The following REV3L variants were observed in gnomAD, a reference collection of about 807,000 sequenced individuals.
REV3L encodes the protein REV3 like, DNA directed polymerase zeta catalytic subunit, also known as DNA polymerase zeta catalytic subunit.
A neutral mutation model predicts 299.4 loss-of-function variants in REV3L; 69 were observed. The ratio of observed to expected loss-of-function variants is 0.23; its 90% CI spans 0.19 to 0.28. The LOEUF (loss-of-function observed/expected upper bound fraction) is 0.28, where lower values mean the gene tolerates loss of function less well. Ranked by LOEUF, REV3L falls within the 10% of genes least tolerant of loss-of-function variation. REV3L has a pLI of 1.00. For synonymous variants in REV3L, 1,238 were observed against 1,271.4 expected (o/e 0.97, Z 0.56); for missense variants, 3,128 against 3,693.8 (o/e 0.85, Z 3.97).
At chr6:111,362,505 A>G (rs1778797566) in intron 16 of REV3L, among the ~76,000 whole-genome samples, 1 of 152,224 alleles carries the variant, frequency 6.6e-6, no homozygotes, top group Admixed American at 6.5e-5. Context: ...TCCAATAGAA[A>G]TATAATGAAA....
chr6:111,309,718 G>C, intron 30 of REV3L, 135 bp downstream of exon 30: 2 of 938,190 alleles, frequency 2.1e-6, no homozygotes, highest in Non-Finnish European at 3.0e-6. Flanking sequence ...CCCGCTTTCC[G>C]TATCATTTTA....
intron 3 of REV3L, among the ~76,000 whole-genome samples, chr6:111,407,819 C>G (rs920720030): frequency 6.6e-6 from 1 of 152,064 alleles, no homozygotes; most frequent in African/African-American, 2.4e-5. Flanking sequence ...GCCTGTAATC[C>G]TAACTACTCA....
At chr6:111,441,519 G>T (rs767398535) in intron 1 of REV3L, among the ~76,000 whole-genome samples, 1 of 152,148 alleles carries the variant, frequency 6.6e-6, no homozygotes, top group Non-Finnish European at 1.5e-5. Context: ...CCAAAGTGCT[G>T]AGATTACAGG....
At chr6:111,362,216 G>A (rs1778761873) in intron 16 of REV3L, among the ~76,000 whole-genome samples, 1 of 152,140 alleles carries the variant, frequency 6.6e-6, no homozygotes, top group African/African-American at 2.4e-5. Flanking sequence ...AATGAATGCT[G>A]CTGAATGAGA....
Position 111,482,838 on chromosome 6 carries a change from C to T in REV3L, c.51G>A (p.Leu17=). 2 of 1,508,066 alleles carry T rather than the reference C, an allele frequency of 1.3e-6. No individual in the cohort carries two copies. The highest frequency in any genetic ancestry group is 1.3e-5 in the South Asian group (1 of 76,104). The allele number at this position is 1,508,066 out of a possible 1,614,324, so 93.4% of individuals were successfully genotyped here. Residue 17 remains leucine, a synonymous_variant, in exon 1 of 32, where the codon CTG becomes CTA. Coordinates refer to ENST00000368802, the MANE Select transcript of REV3L (RefSeq NM_001372078.1). ...VTADYYMASP[L]QGLDTCQSPL... ...GGGATTGGCAGGTATCCAGCCCCTGCAGCGGGCTGGCCATGTAGTAGTCTG... is the reference window on the plus strand; with the variant it reads ...GGGATTGGCAGGTATCCAGCCCCTGTAGCGGGCTGGCCATGTAGTAGTCTG...
chr6:111,470,701 G>T (rs1792093523), intron 1 of REV3L, among the ~76,000 whole-genome samples: 1 of 152,124 alleles, frequency 6.6e-6, no homozygotes, highest in African/African-American at 2.4e-5. Flanking sequence ...ACATGCCGGG[G>T]TGTGGTGATG....
At chr6:111,404,295 G>T (rs186630991) in intron 4 of REV3L, among the ~76,000 whole-genome samples, 247 of 152,250 alleles carry the variant, frequency 1.6e-3, no homozygotes, top group African/African-American at 5.5e-3. Context: ...AATATTTTAA[G>T]CCCATTTTTG....
intron 16 of REV3L, among the ~76,000 whole-genome samples, chr6:111,359,985 C>T (rs1778484179): frequency 6.6e-6 from 1 of 152,118 alleles, no homozygotes; most frequent in Non-Finnish European, 1.5e-5. Context: ...GGCAATCCTA[C>T]TCCTGAAAAT....
At chr6:111,381,179 C>A in intron 10 of REV3L, 146 bp downstream of exon 10, 1 of 752,972 alleles carries the variant, frequency 1.3e-6, no homozygotes, top group Non-Finnish European at 2.0e-6. Context: ...TGATTTAATG[C>A]AAGGTTTCAT....
At position 111,299,976 on chromosome 6, in the gene REV3L, C is replaced by T. The variant is rs377518998; in HGVS notation, c.*40G>A. The T allele has an allele frequency of 6.3e-6, 10 of 1,585,116 alleles. No individual in the cohort carries two copies. Among genetic ancestry groups the T allele is most frequent in the African/African-American group, 4.1e-5 (3 of 73,656 alleles). On this transcript the variant is annotated 3_prime_UTR_variant, in exon 32 of 32. Transcript: ENST00000368802. ...ATGCACAACAGTTTAGTGGTAAGCACTGAAAAAAATAGCACCTGTAATACT... is the reference window on the plus strand; with the variant it reads ...ATGCACAACAGTTTAGTGGTAAGCATTGAAAAAAATAGCACCTGTAATACT...
chr6:111,443,349 T>C (rs1788493874), intron 1 of REV3L, among the ~76,000 whole-genome samples: 1 of 152,108 alleles, frequency 6.6e-6, no homozygotes, highest in Non-Finnish European at 1.5e-5. Flanking sequence ...GGTTTCACCA[T>C]ATTGGCCAGG....
At chr6:111,380,255 TTTTC>T in intron 10 of REV3L, 36 bp from the exon 11 acceptor site, 1 of 1,471,986 alleles carries the variant, frequency 6.8e-7, no homozygotes, top group Non-Finnish European at 9.4e-7. Context: ...AACAAATAAG[TTTTC>T]TTTTTTTTTT....
At chr6:111,413,366 A>T (rs1378155328) in intron 2 of REV3L, among the ~76,000 whole-genome samples, 3 of 152,118 alleles carry the variant, frequency 2.0e-5, no homozygotes, top group Admixed American at 6.5e-5. Context: ...TTAGTTTTTT[A>T]AGTATATCAA....
Position 111,299,813 on chromosome 6 carries a change from T to A in REV3L, c.*203A>T. 1 of 410,834 alleles carries A rather than the reference T, an allele frequency of 2.4e-6. No individual in the cohort carries two copies. Among genetic ancestry groups the A allele is most frequent in the Non-Finnish European group, 4.3e-6 (1 of 235,158 alleles). The allele number at this position is 410,834 out of a possible 1,614,324, so 25.4% of individuals were successfully genotyped here. On this transcript the variant is annotated 3_prime_UTR_variant, in exon 32 of 32. Transcript: ENST00000368802. ...AAACAATGTTTAAAAGGTGACAGAA[T>A]GAGGAATTTGTACATTGTAAGAAGT...
At chr6:111,370,276 AT>A (rs767440187) in intron 13 of REV3L, among the ~76,000 whole-genome samples, 25 of 152,246 alleles carry the variant, frequency 1.6e-4, no homozygotes, top group Non-Finnish European at 2.8e-4. Flanking sequence ...ATATACCATA[AT>A]CACTACTAAT....
chr6:111,428,909 T>G (rs570175496), intron 1 of REV3L, among the ~76,000 whole-genome samples: 4 of 152,054 alleles, frequency 2.6e-5, no homozygotes, highest in African/African-American at 9.7e-5. Context: ...CCAAATAGAT[T>G]TGATGCAAAT....
intron 1 of REV3L, chr6:111,471,872 G>T: frequency 3.7e-6 from 1 of 269,264 alleles, no homozygotes; most frequent in Non-Finnish European, 6.5e-6. Flanking sequence ...CTTTGGGAAT[G>T]GGCAAAGGAG....
chr6:111,398,496 C>G (rs1782760531), intron 4 of REV3L, among the ~76,000 whole-genome samples: 1 of 152,062 alleles, frequency 6.6e-6, no homozygotes, highest in Admixed American at 6.6e-5. Flanking sequence ...CAGTAATTAG[C>G]ATCATTTCCA....
Position 111,372,609 on chromosome 6 carries a change from G to C in REV3L, c.5746C>G (p.Pro1916Ala). The C allele has an allele frequency of 4.7e-6, 7 of 1,480,532 alleles. No homozygotes were observed. The highest frequency in any genetic ancestry group is 6.3e-6 in the Non-Finnish European group (7 of 1,116,092). 91.7% of individuals were successfully genotyped at this position (1,480,532 alleles called of 1,614,324 possible). A position where few individuals can be genotyped will look rare whatever the true frequency, so the allele number is the denominator to read the frequency against. Residue 1916 changes from proline (P) to alanine (A), a missense_variant, in exon 13 of 32, where the codon CCA (proline) becomes GCA (alanine). By Grantham distance (27) the Pro-to-Ala change is conservative. Transcript: ENST00000368802. ...EPFCSNPSDVPEKPREIGGRL... is the reference protein window; with the variant it reads ...EPFCSNPSDVAEKPREIGGRL... ...ATAACTGATTACCTGGGCTTTTCTG[G>C]TACATCAGAAGGATTACTGCAAAAT...
Sources: gnomAD v4.1 joint callset for allele counts (sites outside exome capture counted in the v4.1 genomes callset) on GRCh38, gnomAD v4.1.1 for gene constraint, MANE v1.5 for transcripts, NCBI Gene and HGNC (gene_info 2026-07-23, HGNC 2026-07-21) for gene names.